The following MTBP variants were observed in gnomAD, a reference collection of about 807,000 sequenced individuals.
MTBP encodes the protein MDM2 binding protein.
Under a neutral mutation model 117.0 loss-of-function variants are expected in MTBP, and 101 were observed. That is an observed-to-expected ratio of 0.86 (90% CI 0.73 to 1.02). The LOEUF is 1.02. MTBP is among the 50% of genes least tolerant of loss of function. MTBP has a pLI of 0.00. For missense variants in MTBP, 970 were observed against 1,030.9 expected (o/e 0.94, Z 0.81); for synonymous variants, 350 against 351.5 (o/e 1.00, Z 0.05).
In MTBP at chr8:120,512,178, T is replaced by C. The variant is rs573452152; in HGVS notation, c.1979+2149T>C. 3.9e-5 allele frequency among the ~76,000 whole-genome samples: 6 copies of C among 152,272 alleles called. No homozygotes were observed. The South Asian group carries it at 1.0e-3, about 26-fold the overall frequency. ...CCAGTCAACAGTGTTTATATTATTA[T>C]TATGAAAAGTAGCGTTCACTGTTGA... On this transcript the variant is annotated intron_variant, in intron 17 of 21. Coordinates refer to ENST00000305949, the MANE Select transcript of MTBP (RefSeq NM_022045.5).
intron 15 of MTBP, among the ~76,000 whole-genome samples, chr8:120,504,253 G>GC (rs2130604740): frequency 6.6e-6 from 1 of 152,240 alleles, no homozygotes; most frequent in East Asian, 1.9e-4. Flanking sequence ...TCAATTTCTT[G>GC]CCTACCAATT....
intron 11 of MTBP, among the ~76,000 whole-genome samples, chr8:120,485,153 G>A (rs1334631416): frequency 6.6e-6 from 1 of 152,116 alleles, no homozygotes; most frequent in Non-Finnish European, 1.5e-5. Context: ...ATTATTTTCA[G>A]TATAAATCTA....
At chr8:120,458,459 A>G (rs370740373) in intron 7 of MTBP, among the ~76,000 whole-genome samples, 1 of 152,214 alleles carries the variant, frequency 6.6e-6, no homozygotes, top group African/African-American at 2.4e-5. Context: ...TAGCATCCTT[A>G]CTATTACTAC....
Position 120,510,021 on chromosome 8 carries a change from T to C in MTBP, c.1971T>C (p.His657=). The change falls in exon 17 of 22, where the codon CAT becomes CAC. Residue 657 remains histidine, a synonymous_variant. Transcript: ENST00000305949. ...AGAAAGCCTCAGTATGTCATTATCA[T>C]GGAATTGAGTAAGTTTTTATTTGTA... ...PFEKASVCHY[H]GIEYCLDDRK... is the part of the protein sequence containing the mutation. 6.2e-7 allele frequency: 1 copy of C among 1,606,304 alleles called. No homozygotes were observed. The highest frequency in any genetic ancestry group is 8.5e-7 in the Non-Finnish European group (1 of 1,174,204).
rs144915421 is a variant in MTBP, at chr8:120,507,001, C to T, written c.1883+140C>T. On this transcript the variant is annotated intron_variant, in intron 16 of 21. Coordinates refer to ENST00000305949, the MANE Select transcript of MTBP (RefSeq NM_022045.5). ...TTTGATCCCAATGTTTGTCTGTTGGCCTTAATCTTCACTTTTTACCTTATC... is the reference window on the plus strand; with the variant it reads ...TTTGATCCCAATGTTTGTCTGTTGGTCTTAATCTTCACTTTTTACCTTATC... 807 of 657,296 alleles carry T rather than the reference C, an allele frequency of 1.2e-3. 4 individuals carry two copies. The African/African-American group carries it at 0.014, about 11-fold the overall frequency. The allele number at this position is 657,296 out of a possible 1,614,324, so 40.7% of individuals were successfully genotyped here.
intron 14 of MTBP, among the ~76,000 whole-genome samples, chr8:120,499,829 A>C (rs1199016305): frequency 1.3e-5 from 2 of 152,240 alleles, no homozygotes; most frequent in Non-Finnish European, 2.9e-5. Flanking sequence ...ATCTGAACTC[A>C]TAATACAATA....
chr8:120,478,440 G>C (rs1019714522), intron 11 of MTBP, among the ~76,000 whole-genome samples: 1 of 151,764 alleles, frequency 6.6e-6, no homozygotes, highest in African/African-American at 2.4e-5. Context: ...TTTATGTCTT[G>C]ATATTTGTGG....
chr8:120,494,900 A>G (rs1262500918), intron 13 of MTBP, among the ~76,000 whole-genome samples: 1 of 152,158 alleles, frequency 6.6e-6, no homozygotes, highest in Non-Finnish European at 1.5e-5. Flanking sequence ...TCCTATCATT[A>G]ACATTCATTG....
chr8:120,497,688 A>C, intron 14 of MTBP, 134 bp downstream of exon 14: 2 of 592,468 alleles, frequency 3.4e-6, no homozygotes, highest in Non-Finnish European at 2.9e-6. Flanking sequence ...ATACTTATAT[A>C]GATACAAGTA....
At chr8:120,455,382 C>A (rs1264618099) in intron 5 of MTBP, 53 bp from the exon 6 acceptor site, 2 of 1,143,014 alleles carry the variant, frequency 1.7e-6, no homozygotes, top group Non-Finnish European at 2.5e-6. Flanking sequence ...TATTTTGAGA[C>A]ATTTCAGATC....
At chr8:120,501,691 A>G (rs988084776) in intron 14 of MTBP, among the ~76,000 whole-genome samples, 5 of 152,356 alleles carry the variant, frequency 3.3e-5, no homozygotes, top group Admixed American at 3.3e-4. Context: ...GTTTATTAGA[A>G]CAATGTTCAA....
chr8:120,508,671 A>G (rs1814740443), intron 16 of MTBP, among the ~76,000 whole-genome samples: 1 of 152,122 alleles, frequency 6.6e-6, no homozygotes, highest in Non-Finnish European at 1.5e-5. Context: ...TAGGGGGGAA[A>G]ATGTGATAGC....
Position 120,519,393 on chromosome 8 carries a change from T to G in MTBP, c.2610+576T>G, listed in dbSNP as rs191629564. On this transcript the variant is annotated intron_variant, in intron 20 of 21. Transcript: ENST00000305949. Reference sequence around the variant, plus strand: ...CTGTGTAGTAAAAAGGCTACTGGACTAAATATCAAAACACCTAGTTTCTAA... The same window carrying G: ...CTGTGTAGTAAAAAGGCTACTGGACGAAATATCAAAACACCTAGTTTCTAA... Among the ~76,000 whole-genome samples, 282 of 152,216 alleles carry G rather than the reference T, an allele frequency of 1.9e-3. 4 individuals are homozygous for G. The South Asian group carries it at 0.022, about 12-fold the overall frequency.
At chr8:120,455,357 A>T in intron 5 of MTBP, 78 bp from the exon 6 acceptor site, 1 of 717,678 alleles carries the variant, frequency 1.4e-6, no homozygotes, top group South Asian at 2.7e-5. Context: ...CATAAAATTC[A>T]GTTCTTCAGG....
Position 120,482,067 on chromosome 8 carries a change from T to G in MTBP, c.1166-6092T>G, listed in dbSNP as rs148208453. 4.9e-4 allele frequency among the ~76,000 whole-genome samples: 74 copies of G among 152,314 alleles called. 1 individual carries two copies. The highest frequency in any genetic ancestry group is 1.7e-3 in the African/African-American group (70 of 41,568). On this transcript the variant is annotated intron_variant, in intron 11 of 21. Coordinates refer to ENST00000305949, the MANE Select transcript of MTBP (RefSeq NM_022045.5). ...AATCACCTTGACAGTTATTTAAAAATGTCAAGCTGAGCTCCACCTGAAAAT... is the reference window on the plus strand; with the variant it reads ...AATCACCTTGACAGTTATTTAAAAAGGTCAAGCTGAGCTCCACCTGAAAAT...
chr8:120,461,315 T>C, intron 9 of MTBP, 60 bp downstream of exon 9: 1 of 1,214,352 alleles, frequency 8.2e-7, no homozygotes, highest in Non-Finnish European at 1.2e-6. Flanking sequence ...TAGAATGTTC[T>C]GGTATTGTCA....
intron 16 of MTBP, among the ~76,000 whole-genome samples, 159 bp downstream of exon 16, chr8:120,507,020 C>T (rs905440709): frequency 2.0e-5 from 3 of 151,920 alleles, no homozygotes; most frequent in African/African-American, 7.3e-5. Context: ...TCACTTTTTA[C>T]CTTATCAAAA....
chr8:120,446,042 G>GT (rs1469922062), intron 1 of MTBP, among the ~76,000 whole-genome samples: 1 of 151,996 alleles, frequency 6.6e-6, no homozygotes, highest in Non-Finnish European at 1.5e-5. Context: ...GATTTTAATT[G>GT]TTTGCGATTG....
At chr8:120,494,425 A>G (rs1399539700) in intron 13 of MTBP, among the ~76,000 whole-genome samples, 1 of 152,204 alleles carries the variant, frequency 6.6e-6, no homozygotes, top group Non-Finnish European at 1.5e-5. Context: ...AAATCAAGTG[A>G]TACTGAAAAA....
Sources: allele counts gnomAD v4.1 joint callset (sites outside exome capture counted in the v4.1 genomes callset), GRCh38; gene constraint gnomAD v4.1.1; transcripts MANE v1.5; gene names NCBI Gene and HGNC (gene_info 2026-07-23, HGNC 2026-07-21).